The following CACNB2 variants were observed in gnomAD, a reference collection of about 807,000 sequenced individuals.
The protein encoded by CACNB2 is voltage-dependent L-type calcium channel subunit beta-2.
A neutral mutation model predicts 73.3 loss-of-function variants in CACNB2; 42 were observed. The ratio of observed to expected loss-of-function variants is 0.57; its 90% CI spans 0.45 to 0.74. CACNB2 has a LOEUF of 0.74. Among genes scored for constraint, CACNB2 ranks in the 30% least tolerant of loss-of-function variants. The pLI, the probability that CACNB2 is intolerant of heterozygous loss-of-function variation, is 0.00. For missense variants in CACNB2, 940 were observed against 853.0 expected (o/e 1.10, Z -1.27); for synonymous variants, 348 against 310.3 (o/e 1.12, Z -1.28).
chr10:18,507,472 T>G (rs2050553730), intron 6 of CACNB2, among the ~76,000 whole-genome samples: 1 of 152,240 alleles, frequency 6.6e-6, no homozygotes, highest in African/African-American at 2.4e-5. Flanking sequence ...TAAGTACATA[T>G]TGCATGGGGC....
intron 2 of CACNB2, among the ~76,000 whole-genome samples, chr10:18,195,728 C>T (rs1404652744): frequency 2.6e-5 from 4 of 152,186 alleles, no homozygotes; most frequent in African/African-American, 7.2e-5. Flanking sequence ...AGTGGTGGGG[C>T]TCACCCCTCA....
At chr10:18,357,878 C>T (rs1241324165) in intron 2 of CACNB2, among the ~76,000 whole-genome samples, 3 of 152,168 alleles carry the variant, frequency 2.0e-5, no homozygotes, top group African/African-American at 7.2e-5. Context: ...CTTTCTGGAA[C>T]ACTCCTTTTG....
Position 18,536,275 on chromosome 10 carries a change from G to GTTTTTTTTTTT in CACNB2, c.1302+79_1302+80insTTTTTTTTTTT. ...TTTTTTTTTTTTTTTTTTTTTTTTGGGGGACAAGGTCTTGCTCTGTTGCCC... is the reference window on the plus strand; with the variant it reads ...TTTTTTTTTTTTTTTTTTTTTTTTGGTTTTTTTTTTTGGGACAAGGTCTTGCTCTGTTGCCC... On this transcript the variant is annotated intron_variant, in intron 12 of 13. Transcript: ENST00000324631. The GTTTTTTTTTTT allele has an allele frequency of 3.6e-3, 337 of 92,482 alleles. 77 individuals are homozygous for GTTTTTTTTTTT. Among genetic ancestry groups the GTTTTTTTTTTT allele is most frequent in the African/African-American group, 0.017 (173 of 10,152 alleles). The allele number at this position is 92,482 out of a possible 1,614,324, so 5.7% of individuals were successfully genotyped here.
intron 3 of CACNB2, among the ~76,000 whole-genome samples, chr10:18,496,165 A>G (rs984066795): frequency 7.1e-6 from 1 of 141,082 alleles, no homozygotes; most frequent in African/African-American, 2.7e-5. Context: ...CAGCCTGGGC[A>G]TCACAGTGAG....
rs200367454 is a variant in CACNB2, at chr10:18,498,401, C to T, written c.380C>T (p.Ala127Val). Reference sequence around the variant, plus strand: ...GTTCGGACAAATGTCAGCTACAGTGCGGCCCATGAAGATGATGTTCCAGTG... The same window carrying T: ...GTTCGGACAAATGTCAGCTACAGTGTGGCCCATGAAGATGATGTTCCAGTG... ...FAVRTNVSYS[A>V]AHEDDVPVPG... Residue 127 changes from alanine to valine, a missense_variant, in exon 4 of 14, where the codon GCG becomes GTG. Ala to Val is a moderately conservative substitution (Grantham distance 64). Coordinates refer to ENST00000324631, the MANE Select transcript of CACNB2 (RefSeq NM_201596.3). 248 of 1,613,980 alleles carry T rather than the reference C, an allele frequency of 1.5e-4. No homozygotes were observed. Among genetic ancestry groups the T allele is most frequent in the African/African-American group, 3.6e-4 (27 of 75,026 alleles).
intron 2 of CACNB2, among the ~76,000 whole-genome samples, chr10:18,375,173 C>T (rs2042744831): frequency 6.6e-6 from 1 of 152,130 alleles, no homozygotes; most frequent in Middle Eastern, 3.2e-3. Flanking sequence ...GATCATACCA[C>T]TGCACTCAGC....
intron 2 of CACNB2, among the ~76,000 whole-genome samples, chr10:18,364,343 C>T (rs2042263524): frequency 6.6e-6 from 1 of 151,304 alleles, no homozygotes; most frequent in South Asian, 2.1e-4. Context: ...CTCTGTCACC[C>T]AGGCTGGAGT....
intron 2 of CACNB2, among the ~76,000 whole-genome samples, chr10:18,170,739 A>G (rs2033164825): frequency 6.6e-6 from 1 of 152,232 alleles, no homozygotes. Flanking sequence ...GCTAGAGGGA[A>G]AACAGTTATG....
At chr10:18,283,830 T>C (rs968030869) in intron 2 of CACNB2, among the ~76,000 whole-genome samples, 3 of 152,108 alleles carry the variant, frequency 2.0e-5, no homozygotes, top group African/African-American at 7.2e-5. Flanking sequence ...AAAAAATTAA[T>C]AAAAAGTGTT....
chr10:18,351,487 C>T (rs2132138440), intron 2 of CACNB2, among the ~76,000 whole-genome samples: 1 of 152,290 alleles, frequency 6.6e-6, no homozygotes, highest in Non-Finnish European at 1.5e-5. Context: ...AGATGATGAA[C>T]TGGAAAATGA....
intron 2 of CACNB2, among the ~76,000 whole-genome samples, chr10:18,368,391 A>G (rs1259067374): frequency 6.6e-6 from 1 of 152,186 alleles, no homozygotes; most frequent in Non-Finnish European, 1.5e-5. Context: ...GCAAAATTAT[A>G]AGCTTTCAGA....
chr10:18,264,232 A>G (rs1322705790), intron 2 of CACNB2, among the ~76,000 whole-genome samples: 2 of 152,222 alleles, frequency 1.3e-5, no homozygotes, highest in East Asian at 3.9e-4. Flanking sequence ...GGTACATAAG[A>G]TGCTTGGATA....
At chr10:18,432,613 T>G (rs2045943194) in intron 3 of CACNB2, among the ~76,000 whole-genome samples, 1 of 152,116 alleles carries the variant, frequency 6.6e-6, no homozygotes, top group African/African-American at 2.4e-5. Context: ...GCAAGCAGAT[T>G]GCTTGAGCTC....
intron 2 of CACNB2, among the ~76,000 whole-genome samples, chr10:18,254,837 T>A (rs867044714): frequency 3.7e-4 from 57 of 152,340 alleles, no homozygotes; most frequent in Middle Eastern, 3.4e-3. Flanking sequence ...AGACTGAACT[T>A]CAGAAATGCA....
chr10:18,386,115 T>C (rs1404871154), intron 2 of CACNB2, among the ~76,000 whole-genome samples: 2 of 152,222 alleles, frequency 1.3e-5, no homozygotes, highest in Non-Finnish European at 2.9e-5. Context: ...TTGTAATCTT[T>C]GCCAATAAAA....
At chr10:18,289,297 GT>G (rs764040568) in intron 2 of CACNB2, among the ~76,000 whole-genome samples, 30 of 56,696 alleles carry the variant, frequency 5.3e-4, no homozygotes, top group East Asian at 2.2e-3. Context: ...TTTTTGTTTT[GT>G]TTTTTTTTTT....
chr10:18,474,414 C>G (rs71497247), intron 3 of CACNB2, among the ~76,000 whole-genome samples: 22,740 of 152,100 alleles, frequency 0.15, 1,828 homozygotes, highest in Admixed American at 0.18. Context: ...CTAGGCTCAG[C>G]GTCCTAAACT....
intron 2 of CACNB2, among the ~76,000 whole-genome samples, chr10:18,276,606 G>T (rs2131673482): frequency 6.6e-6 from 1 of 151,944 alleles, no homozygotes; most frequent in South Asian, 2.1e-4. Context: ...TTAAGATGGA[G>T]TTTTGCTGTT....
chr10:18,378,263 T>G (rs973971605), intron 2 of CACNB2, among the ~76,000 whole-genome samples: 4 of 152,220 alleles, frequency 2.6e-5, no homozygotes, highest in Non-Finnish European at 2.9e-5. Flanking sequence ...TTTGGTGATA[T>G]GTCAACATTT....
Sources: gnomAD v4.1 joint callset for allele counts (sites outside exome capture counted in the v4.1 genomes callset) on GRCh38, gnomAD v4.1.1 for gene constraint, MANE v1.5 for transcripts, NCBI Gene and HGNC (gene_info 2026-07-23, HGNC 2026-07-21) for gene names.